The following PTMS variants were observed in gnomAD, a reference collection of about 807,000 sequenced individuals.
PTMS encodes parathymosin.
Under a neutral mutation model 18.4 loss-of-function variants are expected in PTMS, and 5 were observed. That is an observed-to-expected ratio of 0.27 (90% confidence interval 0.14 to 0.57). PTMS has a LOEUF of 0.57. Ranked by LOEUF, PTMS falls within the 20% of genes least tolerant of loss-of-function variation. PTMS has a pLI of 0.92. For missense variants in PTMS, 93 were observed against 124.6 expected, an observed-to-expected ratio of 0.75 and a Z score of 1.21; for synonymous variants, 53 against 47.7, an observed-to-expected ratio of 1.11 and a Z score of -0.46.
rs1941815798 is a variant in PTMS, at chr12:6,769,941, G to A, written c.138G>A (p.Glu46=). The change falls in exon 3 of 5, where the codon GAG becomes GAA. Residue 46 remains glutamate, a synonymous_variant. Coordinates refer to ENST00000309083, the MANE Select transcript of PTMS (RefSeq NM_002824.6). ...EVVEEEENGA[E]EEEEETAEDG... is the part of the protein sequence containing the mutation. Reference sequence around the variant, plus strand: ...CACAGGAGGAGGAGAACGGGGCTGAGGAGGAAGAAGAAGAAACTGCCGAGG... The same window carrying A: ...CACAGGAGGAGGAGAACGGGGCTGAAGAGGAAGAAGAAGAAACTGCCGAGG... The A allele has an allele frequency of 2.6e-6, 4 of 1,555,668 alleles. No homozygotes were observed. Among genetic ancestry groups the A allele is most frequent in the Non-Finnish European group, 3.5e-6 (4 of 1,149,024 alleles).
intron 1 of PTMS, chr12:6,767,595 T>TGTG (rs1941784326): frequency 9.9e-5 from 1 of 10,108 alleles, no homozygotes; most frequent in African/African-American, 1.3e-3. Context: ...TGTATGTGTA[T>TGTG]GGCGGGGGGG....
chr12:6,770,107 TCTGC>T lies in PTMS; in HGVS notation c.197-48_197-45del, dbSNP rs757268471. On this transcript the variant is annotated intron_variant, in intron 3 of 4. Coordinates refer to ENST00000309083, the MANE Select transcript of PTMS (RefSeq NM_002824.6). The surrounding 1 kb of genome is among the most constrained non-coding windows in gnomAD (Gnocchi z 7.3). ...CAGGGCTGAGGGCGACCACGGGGGC[TCTGC>T]CAGAGCTTCCTGCCCTTCCCCAATG... 11 of 1,612,846 alleles carry T rather than the reference TCTGC, an allele frequency of 6.8e-6. No individual in the cohort carries two copies. Among genetic ancestry groups the T allele is most frequent in the Non-Finnish European group, 9.3e-6 (11 of 1,179,516 alleles).
At chr12:6,766,776 G>A in intron 1 of PTMS, 26 bp downstream of exon 1, 2 of 1,060,012 alleles carry the variant, frequency 1.9e-6, no homozygotes, top group South Asian at 4.1e-5. Context: ...GCGGCGGCCC[G>A]GACCTCGCGC....
At chr12:6,768,016 C>T (rs987298986) in intron 1 of PTMS, among the ~76,000 whole-genome samples, 1 of 152,188 alleles carries the variant, frequency 6.6e-6, no homozygotes, top group Non-Finnish European at 1.5e-5. Flanking sequence ...TGGCTGTCGG[C>T]CGGTGTCGGT....
At position 6,769,873 on chromosome 12, in the gene PTMS, C is replaced by T. The variant is rs2137800892; in HGVS notation, c.118-48C>T. The T allele has an allele frequency of 6.3e-7, 1 of 1,589,426 alleles. No individual in the cohort carries two copies. The highest frequency in any genetic ancestry group is 2.3e-5 in the East Asian group (1 of 43,286). On this transcript the variant is annotated intron_variant, in intron 2 of 4. Transcript: ENST00000309083. ...CAGTCCCATTGGTGGTGATGGTGGGCAAGGCATGCAGCCAGCCTGAGGCTA... is the reference window on the plus strand; with the variant it reads ...CAGTCCCATTGGTGGTGATGGTGGGTAAGGCATGCAGCCAGCCTGAGGCTA...
In PTMS at chr12:6,770,140, C is replaced by T; in HGVS notation, c.197-17C>T. The T allele has an allele frequency of 3.7e-6, 6 of 1,613,840 alleles. No homozygotes were observed. Among genetic ancestry groups the T allele is most frequent in the Non-Finnish European group, 3.4e-6 (4 of 1,179,942 alleles). ...AGCTTCCTGCCCTTCCCCAATGACC[C>T]ATTTCTGGCTCCTCAGATGAGGAAG... On this transcript the variant is annotated splice_polypyrimidine_tract_variant and intron_variant, in intron 3 of 4. Coordinates refer to ENST00000309083, the MANE Select transcript of PTMS (RefSeq NM_002824.6). This position sits in a 1 kb window ranked among gnomAD's most constrained non-coding sequence, Gnocchi z 7.3.
chr12:6,769,515 C>T, intron 1 of PTMS, 88 bp from the exon 2 acceptor site: 2 of 1,392,068 alleles, frequency 1.4e-6, no homozygotes, highest in Non-Finnish European at 2.0e-6. Flanking sequence ...CACCTCTAAG[C>T]TCACTACAGA....
rs1009609033 is a variant in PTMS at position 6,770,672 on chromosome 12, G to C, written c.*230G>C. The C allele has an allele frequency of 3.3e-6, 2 of 598,188 alleles. No individual in the cohort carries two copies. The highest frequency in any genetic ancestry group is 6.0e-6 in the Non-Finnish European group (2 of 335,630). The allele number at this position is 598,188 out of a possible 1,614,324, so 37.1% of individuals were successfully genotyped here. Reference sequence around the variant, plus strand: ...TGACCTGCTCCATCTGAGCTCTCCAGCTGGCCCCCAATTGCTCCTCTCTCT... The same window carrying C: ...TGACCTGCTCCATCTGAGCTCTCCACCTGGCCCCCAATTGCTCCTCTCTCT... On this transcript the variant is annotated 3_prime_UTR_variant, in exon 5 of 5. Coordinates refer to ENST00000309083, the MANE Select transcript of PTMS (RefSeq NM_002824.6). This position sits in a 1 kb window ranked among gnomAD's most constrained non-coding sequence, Gnocchi z 7.3.
At position 6,766,585 on chromosome 12, in the gene PTMS, T is replaced by C; in HGVS notation, c.-121T>C. ...TGCCGAGCGGCCGCCGCTGCCGCTG[T>C]CGCCGCCGCCGCCGCCACCGCGCCA... On this transcript the variant is annotated 5_prime_UTR_variant, in exon 1 of 5. Transcript: ENST00000309083. 2 of 464,328 alleles carry C rather than the reference T, an allele frequency of 4.3e-6. No homozygotes were observed. Among genetic ancestry groups the C allele is most frequent in the Non-Finnish European group, 3.1e-6 (1 of 327,822 alleles). 28.8% of individuals were successfully genotyped at this position (464,328 alleles called of 1,614,324 possible).
Position 6,766,615 on chromosome 12 carries a change from C to A in PTMS, c.-91C>A. On this transcript the variant is annotated 5_prime_UTR_variant, in exon 1 of 5. Coordinates refer to ENST00000309083, the MANE Select transcript of PTMS (RefSeq NM_002824.6). ...GCCGCCGCCGCCACCGCGCCAGGTT[C>A]CGGCCGCGGCCACCCTCCGCCGTCC... 1.3e-6 allele frequency: 1 copy of A among 759,478 alleles called. No individual in the cohort carries two copies. The highest frequency in any genetic ancestry group is 4.0e-5 in the South Asian group (1 of 25,174). The allele number at this position is 759,478 out of a possible 1,614,324, so 47.0% of individuals were successfully genotyped here. A position where few individuals can be genotyped will look rare whatever the true frequency, so the allele number is the denominator to read the frequency against.
intron 1 of PTMS, chr12:6,767,340 G>A (rs1565479132): frequency 1.3e-5 from 2 of 152,036 alleles, no homozygotes; most frequent in Admixed American, 6.6e-5. Flanking sequence ...CATACACACT[G>A]AAAGAATCTC....
intron 1 of PTMS, 86 bp from the exon 2 acceptor site, chr12:6,769,517 C>T (rs1941810601): frequency 7.1e-7 from 1 of 1,408,444 alleles, no homozygotes; most frequent in Non-Finnish European, 1.0e-6. Context: ...CCTCTAAGCT[C>T]ACTACAGAGG....
intron 2 of PTMS, 63 bp from the exon 3 acceptor site, chr12:6,769,858 G>A (rs1221979160): frequency 1.9e-6 from 3 of 1,598,070 alleles, no homozygotes; most frequent in Non-Finnish European, 2.6e-6. Flanking sequence ...CAGTCCCATT[G>A]GTGGTGATGG....
chr12:6,766,688 G>A lies in PTMS; in HGVS notation c.-18G>A, dbSNP rs1476767336. ...GGGACCCCGGCTCCCCGCCAGCCCC[G>A]GCCCCGGCCCCGGCACCATGTCGGA... On this transcript the variant is annotated 5_prime_UTR_variant, in exon 1 of 5. Transcript: ENST00000309083. 8.0e-6 allele frequency: 9 copies of A among 1,122,840 alleles called. No homozygotes were observed. The highest frequency in any genetic ancestry group is 2.7e-5 in the South Asian group (1 of 37,086). 69.6% of individuals were successfully genotyped at this position (1,122,840 alleles called of 1,614,324 possible). A position where few individuals can be genotyped will look rare whatever the true frequency, so the allele number is the denominator to read the frequency against.
In PTMS at chr12:6,770,176, GGAT is replaced by G; in HGVS notation, c.222_224del (p.Asp74del). On this transcript the variant is annotated inframe_deletion, in exon 4 of 5. Coordinates refer to ENST00000309083, the MANE Select transcript of PTMS (RefSeq NM_002824.6). The surrounding 1 kb of genome is among the most constrained non-coding windows in gnomAD (Gnocchi z 7.3). ...CCTCAGATGAGGAAGAAGAAGAAGA[GGAT>G]GATGAAGGGCCCGCGCTGAAGAGAG... is the stretch of plus-strand genomic sequence containing the variant. 6.2e-7 allele frequency: 1 copy of G among 1,614,156 alleles called. No individual in the cohort carries two copies. The highest frequency in any genetic ancestry group is 8.5e-7 in the Non-Finnish European group (1 of 1,180,008).
Position 6,766,555 on chromosome 12 carries a change from C to A in PTMS, c.-151C>A. 1 of 310,092 alleles carries A rather than the reference C, an allele frequency of 3.2e-6. No homozygotes were observed. The highest frequency in any genetic ancestry group is 5.8e-6 in the Non-Finnish European group (1 of 171,606). The allele number at this position is 310,092 out of a possible 1,614,324, so 19.2% of individuals were successfully genotyped here. On this transcript the variant is annotated 5_prime_UTR_variant, in exon 1 of 5. Transcript: ENST00000309083. The stretch of plus-strand genomic sequence containing the variant: ...GCCTCTGCCGCCTCTTCCAGAGACC[C>A]AGCTTGCCGAGCGGCCGCCGCTGCC...
intron 1 of PTMS, 141 bp downstream of exon 1, chr12:6,766,891 C>A: frequency 2.2e-6 from 1 of 447,272 alleles, no homozygotes; most frequent in Non-Finnish European, 3.0e-6. Context: ...TCCCACCGCT[C>A]CCCGGCCCGG....
intron 1 of PTMS, 146 bp downstream of exon 1, chr12:6,766,896 G>T (rs1941772943): frequency 4.7e-6 from 2 of 422,224 alleles, no homozygotes; most frequent in Non-Finnish European, 6.4e-6. Context: ...CCGCTCCCCG[G>T]CCCGGAGCTC....
At chr12:6,766,806 G>C (rs1338978717) in intron 1 of PTMS, 56 bp downstream of exon 1, 1 of 1,032,214 alleles carries the variant, frequency 9.7e-7, no homozygotes, top group Non-Finnish European at 1.2e-6. Context: ...GCCCGGCGCG[G>C]TCCTTCGCCC....
Sources: allele counts gnomAD v4.1 joint callset (sites outside exome capture counted in the v4.1 genomes callset), GRCh38; gene constraint gnomAD v4.1.1; non-coding constraint Gnocchi (gnomAD v3.1); transcripts MANE v1.5; gene names NCBI Gene and HGNC (gene_info 2026-07-23, HGNC 2026-07-21).